Variants in NLRP9 observed in about 807,000 individuals in gnomAD.
The protein encoded by NLRP9 is NACHT, LRR and PYD domains-containing protein 9.
A neutral mutation model predicts 83.1 loss-of-function variants in NLRP9; 88 were observed. The ratio of observed to expected loss-of-function variants is 1.06; its 90% CI spans 0.89 to 1.26. The LOEUF is 1.26. Ranked by LOEUF, NLRP9 falls within the 50% of genes most tolerant of loss-of-function variation. NLRP9 has a pLI of 0.00. For missense variants in NLRP9, 1,308 were observed against 1,179.3 expected, an observed-to-expected ratio of 1.11 and a Z score of -1.60; for synonymous variants, 521 against 447.6, an observed-to-expected ratio of 1.16 and a Z score of -2.07.
chr19:55,731,325 GGAAAA>G (rs1240269592), intron 2 of NLRP9, among the ~76,000 whole-genome samples: 1 of 150,872 alleles, frequency 6.6e-6, no homozygotes, highest in Admixed American at 6.6e-5. Context: ...CTATGGAGGG[GGAAAA>G]GAAAAGCACA....
intron 1 of NLRP9, among the ~76,000 whole-genome samples, chr19:55,735,318 G>A (rs1238106763): frequency 6.7e-6 from 1 of 150,054 alleles, no homozygotes; most frequent in South Asian, 2.2e-4. Context: ...TAGGCACGGT[G>A]GCTCACGCCG....
rs141502486 is a variant in NLRP9 at position 55,724,002 on chromosome 19, T to A, written c.2137A>T (p.Met713Leu). 7 of 1,613,758 alleles carry A rather than the reference T, an allele frequency of 4.3e-6. No individual in the cohort carries two copies. The highest frequency in any genetic ancestry group is 5.1e-6 in the Non-Finnish European group (6 of 1,179,900). Residue 713 changes from methionine to leucine, a missense_variant, in exon 4 of 9, where the codon ATG (methionine) becomes TTG (leucine). Met to Leu is a conservative substitution (Grantham distance 15). Coordinates refer to ENST00000332836, the MANE Select transcript of NLRP9 (RefSeq NM_176820.4). ...TACATCAGCTCTTCTATCTTGCACA[T>A]TGGATGTTTCAGCGTCTCACACAGG... The part of the protein sequence containing the change: ...RHLCETLKHP[M>L]CKIEELILGK...
chr19:55,714,810 G>A (rs1404833736), intron 6 of NLRP9, among the ~76,000 whole-genome samples: 1 of 152,122 alleles, frequency 6.6e-6, no homozygotes, highest in Non-Finnish European at 1.5e-5. Flanking sequence ...CACAGATGGT[G>A]GAAGGGGCAG....
At chr19:55,736,808 T>C (rs1298736292) in intron 1 of NLRP9, among the ~76,000 whole-genome samples, 5 of 150,756 alleles carry the variant, frequency 3.3e-5, no homozygotes, top group South Asian at 2.1e-4. Flanking sequence ...CCCTCCAACC[T>C]GGGCAACAGA....
chr19:55,735,306 G>A (rs1362348859), intron 1 of NLRP9, among the ~76,000 whole-genome samples: 1 of 151,986 alleles, frequency 6.6e-6, no homozygotes, highest in Non-Finnish European at 1.5e-5. Context: ...AAACATACAT[G>A]CTAGGCACGG....
intron 4 of NLRP9, 92 bp downstream of exon 4, chr19:55,723,888 G>T: frequency 1.1e-6 from 1 of 937,634 alleles, no homozygotes; most frequent in Non-Finnish European, 1.7e-6. Context: ...GAAGGCTGAT[G>T]CAATGACCCT....
At position 55,708,964 on chromosome 19, in the gene NLRP9, G is replaced by GA; in HGVS notation, c.2923dup (p.Ser975PhefsTer7). On this transcript the variant is annotated frameshift_variant, in exon 9 of 9. Transcript: ENST00000332836. LOFTEE classifies it low-confidence loss of function (END_TRUNC). ...TTCCTCGTCAATCCAAGGTCCATGT[G>GA]AAATGGTCAGATGGGGAATTTTTTC... is the stretch of plus-strand genomic sequence containing the variant. The GA allele has an allele frequency of 6.3e-7, 1 of 1,589,790 alleles. No individual in the cohort carries two copies. The highest frequency in any genetic ancestry group is 8.5e-7 in the Non-Finnish European group (1 of 1,170,948).
intron 5 of NLRP9, among the ~76,000 whole-genome samples, chr19:55,716,383 C>A (rs1429372550): frequency 6.6e-6 from 1 of 151,658 alleles, no homozygotes; most frequent in African/African-American, 2.4e-5. Context: ...CTCAGCCTCC[C>A]GAGTAGCTGG....
chr19:55,727,772 G>A (rs1337107394), intron 3 of NLRP9, among the ~76,000 whole-genome samples: 1 of 152,086 alleles, frequency 6.6e-6, no homozygotes, highest in Non-Finnish European at 1.5e-5. Context: ...AGGATGTGAG[G>A]GTAAACGCAT....
intron 8 of NLRP9, chr19:55,709,588 T>G (rs1428743049): frequency 6.6e-6 from 1 of 152,276 alleles, no homozygotes; most frequent in Non-Finnish European, 1.5e-5. Context: ...CGTGTCATTG[T>G]CCCCTGAACC....
chr19:55,709,083 ATT>A, intron 8 of NLRP9, 39 bp from the exon 9 acceptor site: 1 of 1,498,298 alleles, frequency 6.7e-7, no homozygotes, highest in Non-Finnish European at 9.0e-7. Context: ...TTTGTTTTTC[ATT>A]TTTACACAGT....
At chr19:55,724,229 T>C in intron 3 of NLRP9, 85 bp from the exon 4 acceptor site, 1 of 876,582 alleles carries the variant, frequency 1.1e-6, no homozygotes, top group Non-Finnish European at 1.7e-6. Context: ...CTTCCTGCCC[T>C]GAATGCTGGG....
chr19:55,732,185 A>G lies in NLRP9; in HGVS notation c.1646T>C (p.Leu549Ser). Residue 549 changes from leucine (L) to serine (S), a missense_variant, in exon 2 of 9, where the codon TTG (leucine) becomes TCG (serine). Leu to Ser is a moderately radical substitution (Grantham distance 145). Transcript: ENST00000332836. The stretch of plus-strand genomic sequence containing the variant: ...AAATTCTTTTTCCTGAGTTTCAAAC[A>G]AACCAATGAATAGTTCCTGGAAAGC... ...AIAFQELFIG[L>S]FETQEKEFVT... The G allele has an allele frequency of 6.2e-7, 1 of 1,613,170 alleles. No homozygotes were observed. Among genetic ancestry groups the G allele is most frequent in the African/African-American group, 1.3e-5 (1 of 74,980 alleles).
At chr19:55,729,233 ATTTT>A (rs72078860) in intron 3 of NLRP9, among the ~76,000 whole-genome samples, 1 of 138,950 alleles carries the variant, frequency 7.2e-6, no homozygotes, top group Admixed American at 7.3e-5. Flanking sequence ...ATGTCACTAC[ATTTT>A]TTTTTTTTTT....
rs959841294 is a variant in NLRP9 at position 55,734,791 on chromosome 19, C to T, written c.281-1241G>A. Among the ~76,000 whole-genome samples the T allele has an allele frequency of 2.3e-4, 35 of 151,888 alleles. 1 individual carries two copies. The highest frequency in any genetic ancestry group is 4.4e-4 in the Non-Finnish European group (30 of 67,976). ...CTGGGATTACAGGCACCTGCCACCA[C>T]GCCCAGCTAATTTTTGTATTTTTCG... On this transcript the variant is annotated intron_variant, in intron 1 of 8. Transcript: ENST00000332836.
Position 55,733,311 on chromosome 19 carries a change from A to G in NLRP9, c.520T>C (p.Leu174=). The G allele has an allele frequency of 2.5e-6, 4 of 1,614,112 alleles. No homozygotes were observed. Among genetic ancestry groups the G allele is most frequent in the Non-Finnish European group, 3.4e-6 (4 of 1,179,948 alleles). The part of the protein sequence containing the change: ...KVMLDWAEGN[L]WKDRFTFVFF... ...ACAAATGTGAACCTGTCCTTCCATA[A>G]GTTTCCCTCTGCCCAGTCCAACATC... Residue 174 remains leucine, a synonymous_variant, in exon 2 of 9, where the codon TTA becomes CTA. Coordinates refer to ENST00000332836, the MANE Select transcript of NLRP9 (RefSeq NM_176820.4).
At chr19:55,727,956 A>G (rs1329825571) in intron 3 of NLRP9, among the ~76,000 whole-genome samples, 2 of 152,214 alleles carry the variant, frequency 1.3e-5, no homozygotes, top group African/African-American at 2.4e-5. Flanking sequence ...GAAAAGGAAC[A>G]TAGGAAAAAT....
intron 4 of NLRP9, among the ~76,000 whole-genome samples, chr19:55,718,805 CTG>C (rs1988124616): frequency 6.6e-6 from 1 of 152,176 alleles, no homozygotes; most frequent in Admixed American, 6.6e-5. Flanking sequence ...TACTTTGTCT[CTG>C]TGTCTTGTTT....
At chr19:55,734,891 T>A (rs1988745034) in intron 1 of NLRP9, among the ~76,000 whole-genome samples, 1 of 152,102 alleles carries the variant, frequency 6.6e-6, no homozygotes. Flanking sequence ...CTCCTCGGCC[T>A]CCCAAAGTGC....
Sources: gnomAD v4.1 joint callset for allele counts (sites outside exome capture counted in the v4.1 genomes callset) on GRCh38, gnomAD v4.1.1 for gene constraint, MANE v1.5 for transcripts, NCBI Gene and HGNC (gene_info 2026-07-23, HGNC 2026-07-21) for gene names.